The following DYTN variants were observed in gnomAD, a reference collection of about 807,000 sequenced individuals.
The protein encoded by DYTN is dystrotelin.
In DYTN, 75 loss-of-function variants were observed where a neutral mutation model predicts 69.6. The ratio of observed to expected loss-of-function variants is 1.08; its 90% confidence interval spans 0.89 to 1.31. The LOEUF is 1.31. DYTN is among the 50% of genes most tolerant of loss of function. DYTN has a pLI of 0.00. For missense variants in DYTN, 726 were observed against 688.4 expected (o/e 1.05, Z -0.61); for synonymous variants, 252 against 249.1 (o/e 1.01, Z -0.11).
chr2:206,711,926 G>C (rs895346647), intron 1 of DYTN, among the ~76,000 whole-genome samples: 2 of 152,124 alleles, frequency 1.3e-5, no homozygotes, highest in African/African-American at 4.8e-5. Flanking sequence ...TGTTGCTGAA[G>C]ACTGAAATGA....
chr2:206,666,738 C>CGTGTGTGTGTGT (rs56345459), intron 9 of DYTN, among the ~76,000 whole-genome samples: 354 of 145,738 alleles, frequency 2.4e-3, no homozygotes, highest in Non-Finnish European at 3.6e-3. Context: ...CATGGGTGTG[C>CGTGTGTGTGTGT]GTGTGTGTGT....
At chr2:206,700,623 C>A (rs1011790868) in intron 5 of DYTN, among the ~76,000 whole-genome samples, 2 of 148,218 alleles carry the variant, frequency 1.3e-5, no homozygotes, top group Non-Finnish European at 3.0e-5. Flanking sequence ...ACTTTAAGTT[C>A]TGGGATACAT....
chr2:206,697,523 G>A (rs1008434833), intron 7 of DYTN, among the ~76,000 whole-genome samples: 1 of 152,098 alleles, frequency 6.6e-6, no homozygotes, highest in African/African-American at 2.4e-5. Flanking sequence ...AGTTTTTTGA[G>A]ATCCCAAAAC....
At chr2:206,704,351 A>T (rs1363749325) in intron 5 of DYTN, among the ~76,000 whole-genome samples, 1 of 152,236 alleles carries the variant, frequency 6.6e-6, no homozygotes, top group African/African-American at 2.4e-5. Context: ...GGGTAGATAG[A>T]AATGCAGAAG....
chr2:206,696,127 T>C (rs1574599649), intron 7 of DYTN, among the ~76,000 whole-genome samples: 2 of 152,100 alleles, frequency 1.3e-5, no homozygotes, highest in Non-Finnish European at 2.9e-5. Context: ...TATGGGCTGG[T>C]GTGGTCTGGA....
At position 206,710,538 on chromosome 2, in the gene DYTN, T is replaced by G; in HGVS notation, c.80A>C (p.Gln27Pro). Residue 27 changes from glutamine to proline, a missense_variant, in exon 2 of 12, where the codon CAA becomes CCA. Coordinates refer to ENST00000452335, the MANE Select transcript of DYTN (RefSeq NM_001093730.1). ...YRTAFKLQSV[Q>P]TLCQLDLIDS... Reference sequence around the variant, plus strand: ...CCTATACTTACACTGGCACAGAGTTTGCACTGATTGTAATTTGAAGGCTGT... The same window carrying G: ...CCTATACTTACACTGGCACAGAGTTGGCACTGATTGTAATTTGAAGGCTGT... The G allele has an allele frequency of 6.2e-7, 1 of 1,612,448 alleles. No homozygotes were observed. The highest frequency in any genetic ancestry group is 8.5e-7 in the Non-Finnish European group (1 of 1,179,282).
intron 2 of DYTN, among the ~76,000 whole-genome samples, chr2:206,709,460 G>GACACAC (rs141839059): frequency 1.4e-4 from 21 of 148,724 alleles, no homozygotes; most frequent in East Asian, 4.0e-4. Context: ...CACACACACA[G>GACACAC]ACACACACAC....
Position 206,665,925 on chromosome 2 carries a change from T to C in DYTN, c.1085A>G (p.Lys362Arg). 6.2e-7 allele frequency: 1 copy of C among 1,613,998 alleles called. No individual in the cohort carries two copies. The highest frequency in any genetic ancestry group is 8.5e-7 in the Non-Finnish European group (1 of 1,179,876). The change falls in exon 10 of 12, where the codon AAA becomes AGA. Residue 362 changes from lysine (K) to arginine (R), a missense_variant. Lys to Arg is a conservative substitution (Grantham distance 26). Coordinates refer to ENST00000452335, the MANE Select transcript of DYTN (RefSeq NM_001093730.1). ...GGTCCATAGACTATCCTGGTTGGTTTTGAGTTTGTGAATCCTTGTTTCAAA... is the reference window on the plus strand; with the variant it reads ...GGTCCATAGACTATCCTGGTTGGTTCTGAGTTTGTGAATCCTTGTTTCAAA... The part of the protein sequence containing the change: ...CRFETRIHKL[K>R]TNQDSLWTKL...
intron 3 of DYTN, among the ~76,000 whole-genome samples, chr2:206,706,160 T>C (rs1700023512): frequency 6.6e-6 from 1 of 152,086 alleles, no homozygotes; most frequent in Non-Finnish European, 1.5e-5. Context: ...ATAAACCCTG[T>C]TTTCATGGAG....
At chr2:206,713,408 G>A (rs1441757452) in intron 1 of DYTN, among the ~76,000 whole-genome samples, 1 of 152,114 alleles carries the variant, frequency 6.6e-6, no homozygotes, top group East Asian at 1.9e-4. Flanking sequence ...CTGAAGTATT[G>A]CTAACTGCTC....
chr2:206,704,842 C>T lies in DYTN; in HGVS notation c.483+1G>A. The stretch of plus-strand genomic sequence containing the variant: ...ACAGTTCTTAAGTATTAGGAATTTA[C>T]CTGCTGTAGATCTGTTAGTAGTTTT... On this transcript the variant is annotated splice_donor_variant, in intron 5 of 11. Coordinates refer to ENST00000452335, the MANE Select transcript of DYTN (RefSeq NM_001093730.1). LOFTEE classifies it high-confidence loss of function. 2 of 1,612,444 alleles carry T rather than the reference C, an allele frequency of 1.2e-6. No homozygotes were observed. The highest frequency in any genetic ancestry group is 1.7e-5 in the Admixed American group (1 of 59,916).
chr2:206,693,365 C>A, intron 8 of DYTN, 42 bp from the exon 9 acceptor site: 2 of 1,583,710 alleles, frequency 1.3e-6, no homozygotes, highest in South Asian at 1.1e-5. Context: ...TCAGATCAGT[C>A]TACGTGTGGT....
At chr2:206,714,094 A>C (rs974837504) in intron 1 of DYTN, among the ~76,000 whole-genome samples, 1 of 152,260 alleles carries the variant, frequency 6.6e-6, no homozygotes, top group African/African-American at 2.4e-5. Flanking sequence ...CAAGGGGAGA[A>C]TTTAAAGAAT....
chr2:206,684,045 T>C (rs1257141419), intron 9 of DYTN, among the ~76,000 whole-genome samples: 1 of 152,208 alleles, frequency 6.6e-6, no homozygotes, highest in East Asian at 1.9e-4. Flanking sequence ...CTCACTAGGA[T>C]GCAAGCTCAC....
At chr2:206,667,829 G>A (rs1699590969) in intron 9 of DYTN, among the ~76,000 whole-genome samples, 2 of 152,134 alleles carry the variant, frequency 1.3e-5, no homozygotes, top group Non-Finnish European at 2.9e-5. Context: ...GATCACTGCT[G>A]TTAGCATATT....
chr2:206,693,064 C>T (rs1699881908), intron 9 of DYTN, 111 bp downstream of exon 9: 3 of 1,411,734 alleles, frequency 2.1e-6, no homozygotes, highest in Admixed American at 2.9e-5. Flanking sequence ...CACCCCTCCT[C>T]CTGCCTTGTC....
At position 206,694,922 on chromosome 2, in the gene DYTN, G is replaced by GGA. The variant is rs1553575290; in HGVS notation, c.720-46_720-45insTC. On this transcript the variant is annotated intron_variant, in intron 7 of 11. Coordinates refer to ENST00000452335, the MANE Select transcript of DYTN (RefSeq NM_001093730.1). ...CACAGCTTACGTCACTAGTAGATGAGAAAAAAAAAAAAAAAAGAATATCCA... is the reference window on the plus strand; with the variant it reads ...CACAGCTTACGTCACTAGTAGATGAGGAAAAAAAAAAAAAAAAAGAATATCCA... 2.4e-4 allele frequency: 170 copies of GGA among 714,810 alleles called. 4 individuals are homozygous for GGA. The African/African-American group carries it at 3.5e-3, about 15-fold the overall frequency. 44.3% of individuals were successfully genotyped at this position (714,810 alleles called of 1,614,324 possible).
chr2:206,717,952 AT>A (rs1700144205), intron 1 of DYTN, among the ~76,000 whole-genome samples: 1 of 152,204 alleles, frequency 6.6e-6, no homozygotes, highest in South Asian at 2.1e-4. Context: ...TAAACTATGA[AT>A]ATACATAAAA....
At chr2:206,697,385 T>G (rs989923269) in intron 7 of DYTN, among the ~76,000 whole-genome samples, 1 of 152,188 alleles carries the variant, frequency 6.6e-6, no homozygotes, top group South Asian at 2.1e-4. Flanking sequence ...GGCCACTCTA[T>G]GGTCTTTGCA....
Sources: gnomAD v4.1 joint callset for allele counts (sites outside exome capture counted in the v4.1 genomes callset) on GRCh38, gnomAD v4.1.1 for gene constraint, MANE v1.5 for transcripts, NCBI Gene and HGNC (gene_info 2026-07-23, HGNC 2026-07-21) for gene names.